GAS7: variants seen among roughly 807,000 people sequenced by gnomAD.
GAS7 encodes the protein growth arrest specific 7.
A neutral mutation model predicts 71.1 loss-of-function variants in GAS7; 28 were observed. The observed-to-expected ratio is 0.39, with a 90% CI of 0.29 to 0.54. The LOEUF is 0.54. Ranked by LOEUF, GAS7 falls within the 20% of genes least tolerant of loss-of-function variation. The pLI is 0.62. For missense variants in GAS7, 436 were observed against 627.8 expected, an observed-to-expected ratio of 0.69 and a Z score of 3.27; for synonymous variants, 258 against 245.8, an observed-to-expected ratio of 1.05 and a Z score of -0.46.
At position 9,943,132 on chromosome 17, in the gene GAS7, G is replaced by A. The variant is rs1168594344; in HGVS notation, c.720C>T (p.Phe240=). The change falls in exon 7 of 14, where the codon TTC becomes TTT. Residue 240 remains phenylalanine (F), a synonymous_variant. Transcript: ENST00000432992. Reference sequence around the variant, plus strand: ...GGCCCAGGCTTCACCTTTCCCGGATGAATTCTGACATTTCCTTCTGCATTT... The same window carrying A: ...GGCCCAGGCTTCACCTTTCCCGGATAAATTCTGACATTTCCTTCTGCATTT... ...GKQMQKEMSE[F]IRERIKIEED... 3 of 1,606,950 alleles carry A rather than the reference G, an allele frequency of 1.9e-6. No homozygotes were observed. Among genetic ancestry groups the A allele is most frequent in the Non-Finnish European group, 2.6e-6 (3 of 1,173,410 alleles).
At chr17:10,120,567 C>T (rs2073896318) in intron 1 of GAS7, among the ~76,000 whole-genome samples, 1 of 152,134 alleles carries the variant, frequency 6.6e-6, no homozygotes, top group Admixed American at 6.5e-5. Context: ...CCAAAACTAG[C>T]TGGGTGTGGT....
intron 1 of GAS7, among the ~76,000 whole-genome samples, chr17:10,157,751 T>C (rs932252136): frequency 6.6e-6 from 1 of 152,094 alleles, no homozygotes; most frequent in African/African-American, 2.4e-5. Flanking sequence ...CCGCAAAAAA[T>C]TTAAAAGCCA....
chr17:10,164,614 A>G (rs866705007), intron 1 of GAS7, among the ~76,000 whole-genome samples: 3 of 151,774 alleles, frequency 2.0e-5, no homozygotes, highest in African/African-American at 7.3e-5. Context: ...GCAGTGAGCC[A>G]TGATCATACC....
Position 9,910,734 on chromosome 17 carries a change from G to T in GAS7, c.*6494C>A, listed in dbSNP as rs1354704491. Reference sequence around the variant, plus strand: ...ACACAAATGCGGTAACAGGGGTCAGGGGGGTGGTGCGGGGGCAGGTGGGTT... The same window carrying T: ...ACACAAATGCGGTAACAGGGGTCAGTGGGGTGGTGCGGGGGCAGGTGGGTT... On this transcript the variant is annotated 3_prime_UTR_variant, in exon 14 of 14. Coordinates refer to ENST00000432992, the MANE Select transcript of GAS7 (RefSeq NM_201433.2). 2 of 222,336 alleles carry T rather than the reference G, an allele frequency of 9.0e-6. No homozygotes were observed. Among genetic ancestry groups the T allele is most frequent in the Admixed American group, 5.8e-5 (1 of 17,344 alleles). 13.8% of individuals were successfully genotyped at this position (222,336 alleles called of 1,614,324 possible).
At chr17:10,072,847 G>A (rs530766675) in intron 1 of GAS7, among the ~76,000 whole-genome samples, 1 of 152,016 alleles carries the variant, frequency 6.6e-6, no homozygotes, top group South Asian at 2.1e-4. Flanking sequence ...GCAATTTGGG[G>A]TATTTCCCAC....
chr17:9,917,314 G>A lies in GAS7; in HGVS notation c.1345C>T (p.Arg449Ter), dbSNP rs779994808. The A allele has an allele frequency of 2.5e-6, 4 of 1,613,920 alleles. No individual in the cohort carries two copies. Among genetic ancestry groups the A allele is most frequent in the South Asian group, 1.1e-5 (1 of 91,084 alleles). ...STVEPVDQLL[R>*]KVDPAKDREL... ...CTGTCTTTGGCCGGGTCCACTTTTC[G>A]AAGCAGCTGATCCACGGGCTCGACT... Residue 449 changes from arginine to a stop codon, truncating the protein, a stop_gained, in exon 14 of 14, where the codon CGA (arginine) becomes TGA (stop). Transcript: ENST00000432992. LOFTEE classifies it high-confidence loss of function.
chr17:9,959,145 C>T lies in GAS7; in HGVS notation c.525+57G>A, dbSNP rs1390705907. The T allele has an allele frequency of 1.1e-5, 18 of 1,585,742 alleles. No homozygotes were observed. The highest frequency in any genetic ancestry group is 9.0e-5 in the South Asian group (8 of 88,774). ...GGTCCACATCGCCATGGCAACAGCCCAGCCAAATGCCCCAGCTCGCAGCCC... is the reference window on the plus strand; with the variant it reads ...GGTCCACATCGCCATGGCAACAGCCTAGCCAAATGCCCCAGCTCGCAGCCC... On this transcript the variant is annotated intron_variant, in intron 5 of 13. Transcript: ENST00000432992. This position sits in a 1 kb window ranked among gnomAD's most constrained non-coding sequence, Gnocchi z 5.0.
chr17:10,030,698 A>G (rs1567556748), intron 1 of GAS7, among the ~76,000 whole-genome samples: 4 of 152,248 alleles, frequency 2.6e-5, no homozygotes, highest in Admixed American at 2.6e-4. Context: ...ATGAGGCTTT[A>G]GTAGATGCAA....
intron 4 of GAS7, among the ~76,000 whole-genome samples, chr17:9,965,468 C>A (rs959442862): frequency 6.6e-6 from 1 of 152,064 alleles, no homozygotes; most frequent in Non-Finnish European, 1.5e-5. Context: ...ACAATGGGAC[C>A]ATATGGACAC....
chr17:10,079,451 A>G (rs1401737551), intron 1 of GAS7, among the ~76,000 whole-genome samples: 1 of 152,180 alleles, frequency 6.6e-6, no homozygotes, highest in Non-Finnish European at 1.5e-5. Flanking sequence ...CTTATGTCTG[A>G]TAAGAAATAC....
At chr17:9,990,256 G>A (rs961074976) in intron 2 of GAS7, among the ~76,000 whole-genome samples, 5 of 151,966 alleles carry the variant, frequency 3.3e-5, no homozygotes, top group Non-Finnish European at 7.4e-5. Flanking sequence ...GCGACAGAGC[G>A]AGACTCCATC....
chr17:9,911,239 G>T lies in GAS7; in HGVS notation c.*5989C>A, dbSNP rs530157693. 8.1e-5 allele frequency: 19 copies of T among 233,312 alleles called. No individual in the cohort carries two copies. Among genetic ancestry groups the T allele is most frequent in the Non-Finnish European group, 1.4e-4 (16 of 118,210 alleles). The allele number at this position is 233,312 out of a possible 1,614,324, so 14.5% of individuals were successfully genotyped here. Reference sequence around the variant, plus strand: ...GCCCCCACTTGACAGATGAGTGCACGGAGGTCCCGACAGGGGATGTGACTT... The same window carrying T: ...GCCCCCACTTGACAGATGAGTGCACTGAGGTCCCGACAGGGGATGTGACTT... On this transcript the variant is annotated 3_prime_UTR_variant, in exon 14 of 14. Coordinates refer to ENST00000432992, the MANE Select transcript of GAS7 (RefSeq NM_201433.2). The surrounding 1 kb of genome is among the most constrained non-coding windows in gnomAD (Gnocchi z 4.0).
intron 1 of GAS7, among the ~76,000 whole-genome samples, chr17:10,100,814 G>A (rs2073691338): frequency 6.6e-6 from 1 of 152,172 alleles, no homozygotes; most frequent in African/African-American, 2.4e-5. Flanking sequence ...TCCAAAGCGG[G>A]ATAAAAAGGG....
rs145701385 is a variant in GAS7 at position 10,050,575 on chromosome 17, T to G, written c.184-30678A>C. ...ATGGCACAGCAGAACCAAGGCCCCA[T>G]TCAGGACCACTCCCCAAGATGACCT... On this transcript the variant is annotated intron_variant, in intron 1 of 13. Transcript: ENST00000432992. Among the ~76,000 whole-genome samples the G allele has an allele frequency of 4.9e-3, 741 of 152,164 alleles. 2 individuals carry two copies. The highest frequency in any genetic ancestry group is 8.1e-3 in the Non-Finnish European group (548 of 67,990).
intron 1 of GAS7, among the ~76,000 whole-genome samples, chr17:10,168,357 T>C (rs1475510793): frequency 6.6e-6 from 1 of 152,178 alleles, no homozygotes; most frequent in African/African-American, 2.4e-5. Flanking sequence ...ATCATCAGAG[T>C]ATCTTTCCAC....
chr17:10,005,018 G>A (rs974529363), intron 2 of GAS7, among the ~76,000 whole-genome samples: 5 of 149,738 alleles, frequency 3.3e-5, no homozygotes, highest in Non-Finnish European at 7.4e-5. Flanking sequence ...TCTCTCTCTC[G>A]CTCTCTCTCT....
chr17:10,143,041 G>A (rs1316357822), intron 1 of GAS7, among the ~76,000 whole-genome samples: 1 of 148,276 alleles, frequency 6.7e-6, no homozygotes, highest in African/African-American at 2.5e-5. Flanking sequence ...AATTAGCCAG[G>A]CATAATGGTG....
intron 2 of GAS7, among the ~76,000 whole-genome samples, chr17:9,986,988 CCA>C (rs777544941): frequency 2.8e-4 from 43 of 152,312 alleles, no homozygotes; most frequent in Non-Finnish European, 1.6e-4. Flanking sequence ...ACCATACTAC[CCA>C]CAGGGAGGAA....
At chr17:10,019,462 C>G (rs921010268) in intron 2 of GAS7, among the ~76,000 whole-genome samples, 1 of 151,990 alleles carries the variant, frequency 6.6e-6, no homozygotes, top group Non-Finnish European at 1.5e-5. Flanking sequence ...TTTGAGACAC[C>G]CTTCAGAAAA....
Sources: gnomAD v4.1 joint callset for allele counts (sites outside exome capture counted in the v4.1 genomes callset) on GRCh38, gnomAD v4.1.1 for gene constraint, Gnocchi (gnomAD v3.1) non-coding constraint, MANE v1.5 for transcripts, NCBI Gene and HGNC (gene_info 2026-07-23, HGNC 2026-07-21) for gene names.